Variants in LCOR observed in about 807,000 individuals in gnomAD.
LCOR encodes ligand-dependent corepressor.
Under a neutral mutation model 64.4 loss-of-function variants are expected in LCOR, and 14 were observed. That is an observed-to-expected ratio of 0.22 (90% CI 0.14 to 0.34). LCOR has a LOEUF of 0.34. LCOR is among the 10% of genes least tolerant of loss of function. The pLI, the probability that LCOR is intolerant of heterozygous loss-of-function variation, is 1.00. For synonymous variants in LCOR, 643 were observed against 642.5 expected (o/e 1.00, Z -0.01); for missense variants, 1,686 against 1,765.3 (o/e 0.96, Z 0.80).
chr10:96,868,580 G>A (rs1846018126), intron 2 of LCOR, among the ~76,000 whole-genome samples: 1 of 151,966 alleles, frequency 6.6e-6, no homozygotes, highest in Non-Finnish European at 1.5e-5. Flanking sequence ...GGTCGGAGTG[G>A]TTACTTTTTA....
rs759919520 is a variant in LCOR, at chr10:96,983,151, T to C, written c.2691T>C (p.Ala897=). 6.8e-6 allele frequency: 11 copies of C among 1,613,902 alleles called. No homozygotes were observed. In the South Asian group the frequency reaches 1.2e-4, roughly 18 times the overall value. ...ATGAACGCCCCTCTGAGAAAGATGC[T>C]GAGCAGGAGGGCGAAGGCGGGGGGA... is the stretch of plus-strand genomic sequence containing the variant. ...SVNERPSEKD[A]EQEGEGGGII... Residue 897 remains alanine (A), a synonymous_variant, in exon 8 of 8, where the codon GCT becomes GCC. Transcript: ENST00000421806. The surrounding 1 kb of genome is among the most constrained non-coding windows in gnomAD (Gnocchi z 4.5).
chr10:96,871,614 G>C (rs1292155331), intron 2 of LCOR, among the ~76,000 whole-genome samples: 3 of 151,540 alleles, frequency 2.0e-5, no homozygotes, highest in African/African-American at 7.3e-5. Flanking sequence ...TATAGAAACG[G>C]AGGTTTCGCC....
chr10:96,890,159 G>A (rs1299844901), intron 2 of LCOR, among the ~76,000 whole-genome samples: 1 of 152,104 alleles, frequency 6.6e-6, no homozygotes, highest in East Asian at 1.9e-4. Context: ...CTGGAGTGCA[G>A]TGGCATGATC....
intron 2 of LCOR, among the ~76,000 whole-genome samples, chr10:96,850,500 T>G (rs755780118): frequency 7.9e-5 from 12 of 152,204 alleles, no homozygotes; most frequent in Non-Finnish European, 1.3e-4. Context: ...TTTTATTTAT[T>G]TATTTTTTTG....
At chr10:96,877,598 ATTTTTTTTT>A (rs57119025) in intron 2 of LCOR, among the ~76,000 whole-genome samples, 30 of 65,684 alleles carry the variant, frequency 4.6e-4, no homozygotes, top group African/African-American at 9.7e-4. Context: ...ATTTTTCTGA[ATTTTTTTTT>A]TTTTTTTTTT....
At chr10:96,896,282 A>G (rs559752602) in intron 2 of LCOR, among the ~76,000 whole-genome samples, 10 of 152,186 alleles carry the variant, frequency 6.6e-5, no homozygotes, top group East Asian at 5.8e-4. Flanking sequence ...TTTATTCACA[A>G]ATGTATTAGA....
intron 4 of LCOR, among the ~76,000 whole-genome samples, chr10:96,932,156 T>C (rs954750085): frequency 2.4e-4 from 36 of 152,318 alleles, no homozygotes; most frequent in Non-Finnish European, 4.9e-4. Context: ...CTAAGACTTA[T>C]GTAATTTTAA....
intron 2 of LCOR, among the ~76,000 whole-genome samples, chr10:96,873,169 T>A (rs1027396657): frequency 6.6e-6 from 1 of 152,194 alleles, no homozygotes; most frequent in Non-Finnish European, 1.5e-5. Context: ...TTGATTCTAT[T>A]TGAATTTAGC....
chr10:96,915,583 A>G (rs1484852371), intron 4 of LCOR: 81 of 715,808 alleles, frequency 1.1e-4, no homozygotes, highest in South Asian at 8.0e-4. Flanking sequence ...TAGAATTTCA[A>G]ACTATACAGT....
chr10:96,886,417 A>G lies in LCOR; in HGVS notation c.-329-20848A>G, dbSNP rs558529467. 2.6e-5 allele frequency among the ~76,000 whole-genome samples: 4 copies of G among 152,322 alleles called. No individual in the cohort carries two copies. In the South Asian group the frequency reaches 8.3e-4, roughly 32 times the overall value. Reference sequence around the variant, plus strand: ...CCTTTGAGGATCATGACCGTGCTAAAAAAGTTTCAGATTTTGGAGTATTTT... The same window carrying G: ...CCTTTGAGGATCATGACCGTGCTAAGAAAGTTTCAGATTTTGGAGTATTTT... On this transcript the variant is annotated intron_variant, in intron 2 of 7. Coordinates refer to ENST00000421806, the MANE Select transcript of LCOR (RefSeq NM_001346516.2).
At chr10:96,887,886 G>C (rs1846371341) in intron 2 of LCOR, among the ~76,000 whole-genome samples, 1 of 151,098 alleles carries the variant, frequency 6.6e-6, no homozygotes, top group Non-Finnish European at 1.5e-5. Context: ...TCACCATGTT[G>C]GCCAGGCTGG....
chr10:96,889,431 T>C (rs974139485), intron 2 of LCOR, among the ~76,000 whole-genome samples: 1 of 152,206 alleles, frequency 6.6e-6, no homozygotes, highest in African/African-American at 2.4e-5. Context: ...CCGGCAGTGT[T>C]GGTTTCTGCT....
At chr10:96,910,691 A>G (rs1472091247) in intron 4 of LCOR, among the ~76,000 whole-genome samples, 1 of 152,236 alleles carries the variant, frequency 6.6e-6, no homozygotes, top group Admixed American at 6.5e-5. Flanking sequence ...AGAATATGGT[A>G]ATAGCCAATA....
Position 96,907,658 on chromosome 10 carries a change from A to T in LCOR, c.-263-10A>T. 1 of 954,274 alleles carries T rather than the reference A, an allele frequency of 1.0e-6. No individual in the cohort carries two copies. Among genetic ancestry groups the T allele is most frequent in the Non-Finnish European group, 1.2e-6 (1 of 801,226 alleles). The allele number at this position is 954,274 out of a possible 1,614,324, so 59.1% of individuals were successfully genotyped here. On this transcript the variant is annotated splice_polypyrimidine_tract_variant and intron_variant, in intron 3 of 7. Coordinates refer to ENST00000421806, the MANE Select transcript of LCOR (RefSeq NM_001346516.2). ...CTTTTATGACTATTAATTTGTTACT[A>T]TTTTTGCAGACTGTGAACCTGAAAG...
chr10:96,927,792 C>T (rs1210148213), intron 4 of LCOR, among the ~76,000 whole-genome samples: 4 of 152,004 alleles, frequency 2.6e-5, no homozygotes, highest in African/African-American at 9.7e-5. Context: ...ATTTCTGGAC[C>T]CTACAGACAT....
intron 7 of LCOR, among the ~76,000 whole-genome samples, chr10:96,966,556 T>C (rs1252346094): frequency 6.6e-6 from 1 of 152,180 alleles, no homozygotes; most frequent in Non-Finnish European, 1.5e-5. Context: ...TATTCAAATA[T>C]AACAGCATAT....
At position 96,992,664 on chromosome 10, in the gene LCOR, A is replaced by G. The variant is rs1458415489; in HGVS notation, c.*7530A>G. On this transcript the variant is annotated 3_prime_UTR_variant, in exon 8 of 8. Coordinates refer to ENST00000421806, the MANE Select transcript of LCOR (RefSeq NM_001346516.2). ...GTGCCCCACGCAGCCTACTTCTTGC[A>G]TGCACAGTTGGTACATTCAGCTGTA... 1 of 152,280 alleles carries G rather than the reference A, an allele frequency of 6.6e-6. No homozygotes were observed. Among genetic ancestry groups the G allele is most frequent in the Non-Finnish European group, 1.5e-5 (1 of 68,068 alleles). The allele number at this position is 152,280 out of a possible 1,614,324, so 9.4% of individuals were successfully genotyped here.
At chr10:96,910,398 A>G (rs1429312188) in intron 4 of LCOR, among the ~76,000 whole-genome samples, 1 of 152,204 alleles carries the variant, frequency 6.6e-6, no homozygotes, top group Admixed American at 6.5e-5. Flanking sequence ...TTTGGCATTT[A>G]TTATTTTCGG....
intron 2 of LCOR, among the ~76,000 whole-genome samples, chr10:96,851,335 GT>G (rs1476278259): frequency 6.6e-6 from 1 of 152,194 alleles, no homozygotes; most frequent in Non-Finnish European, 1.5e-5. Flanking sequence ...TGAATGAAGA[GT>G]AAATAAAATA....
Sources: allele counts gnomAD v4.1 joint callset (sites outside exome capture counted in the v4.1 genomes callset), GRCh38; gene constraint gnomAD v4.1.1; non-coding constraint Gnocchi (gnomAD v3.1); transcripts MANE v1.5; gene names NCBI Gene and HGNC (gene_info 2026-07-23, HGNC 2026-07-21).